The following NRG3 variants were observed in gnomAD, a reference collection of about 807,000 sequenced individuals.
NRG3 encodes the protein pro-neuregulin-3, membrane-bound isoform.
A neutral mutation model predicts 66.9 loss-of-function variants in NRG3; 31 were observed. The ratio of observed to expected loss-of-function variants is 0.46; its 90% CI spans 0.35 to 0.63. The LOEUF (loss-of-function observed/expected upper bound fraction) is 0.63. NRG3 is among the 20% of genes least tolerant of loss of function. The probability of loss-of-function intolerance (pLI) is 0.00; values close to 1 mark genes in which losing one functional copy is unlikely to be tolerated. For missense variants in NRG3, 910 were observed against 878.9 expected (o/e 1.04, Z -0.45); for synonymous variants, 393 against 359.4 (o/e 1.09, Z -1.06).
At chr10:82,573,179 A>G (rs1029872360) in intron 2 of NRG3, among the ~76,000 whole-genome samples, 38 of 151,892 alleles carry the variant, frequency 2.5e-4, no homozygotes, top group Non-Finnish European at 4.1e-4. Flanking sequence ...TGTGCTACCT[A>G]AATGTACTGC....
At chr10:82,335,248 G>T (rs1262282113) in intron 1 of NRG3, among the ~76,000 whole-genome samples, 2 of 152,160 alleles carry the variant, frequency 1.3e-5, no homozygotes, top group Non-Finnish European at 2.9e-5. Context: ...CTGTGACAAG[G>T]GAGCCTAGCC....
At chr10:82,821,503 G>GAAAAAAA (rs10550982) in intron 3 of NRG3, among the ~76,000 whole-genome samples, 1 of 134,614 alleles carries the variant, frequency 7.4e-6, no homozygotes, top group Non-Finnish European at 1.6e-5. Flanking sequence ...ACACTTAACT[G>GAAAAAAA]AAAAAAAAAA....
chr10:82,934,958 A>G (rs1346794209), intron 4 of NRG3, among the ~76,000 whole-genome samples: 1 of 152,100 alleles, frequency 6.6e-6, no homozygotes, highest in East Asian at 1.9e-4. Flanking sequence ...TCCATCCTAG[A>G]GGCCTATTTA....
At chr10:82,849,472 AGT>A (rs1491375983) in intron 3 of NRG3, among the ~76,000 whole-genome samples, 2 of 152,180 alleles carry the variant, frequency 1.3e-5, no homozygotes, top group African/African-American at 4.8e-5. Flanking sequence ...TTTACATTCT[AGT>A]GTGGAGCAGA....
chr10:82,069,464 T>G (rs1345514654), intron 1 of NRG3, among the ~76,000 whole-genome samples: 2 of 152,156 alleles, frequency 1.3e-5, no homozygotes, highest in African/African-American at 4.8e-5. Context: ...AACAGCCATG[T>G]GAGGTATAGA....
At chr10:82,737,607 G>A (rs2058217678) in intron 2 of NRG3, among the ~76,000 whole-genome samples, 2 of 152,032 alleles carry the variant, frequency 1.3e-5, no homozygotes, top group African/African-American at 4.8e-5. Context: ...AGCAACAATG[G>A]ATGCTTCCCT....
At position 82,902,777 on chromosome 10, in the gene NRG3, G is replaced by A. The variant is rs549588022; in HGVS notation, c.1054+37340G>A. Reference sequence around the variant, plus strand: ...GAACAACATGGGTTTGAACTGTCTCGGTCCATTTACATGCAGTTTTTTACA... The same window carrying A: ...GAACAACATGGGTTTGAACTGTCTCAGTCCATTTACATGCAGTTTTTTACA... On this transcript the variant is annotated intron_variant, in intron 4 of 8. Transcript: ENST00000372141. Among the ~76,000 whole-genome samples the A allele has an allele frequency of 7.2e-5, 11 of 151,748 alleles. No homozygotes were observed. In the South Asian group the frequency reaches 1.5e-3, roughly 20 times the overall value.
intron 1 of NRG3, among the ~76,000 whole-genome samples, chr10:82,277,959 A>G (rs1008612320): frequency 1.3e-5 from 2 of 152,068 alleles, no homozygotes; most frequent in Non-Finnish European, 2.9e-5. Context: ...ATGTTATGAA[A>G]TGTGATTTCT....
intron 4 of NRG3, among the ~76,000 whole-genome samples, chr10:82,939,026 C>A (rs902630846): frequency 6.6e-6 from 1 of 152,176 alleles, no homozygotes; most frequent in African/African-American, 2.4e-5. Context: ...GTAGATATAA[C>A]TTGATGCAGG....
At chr10:82,012,307 C>G (rs1390618805) in intron 1 of NRG3, among the ~76,000 whole-genome samples, 3 of 152,058 alleles carry the variant, frequency 2.0e-5, no homozygotes, top group African/African-American at 7.2e-5. Context: ...ACACCAAGTC[C>G]CTAGGCTACA....
At chr10:82,243,774 A>G (rs2077110081) in intron 1 of NRG3, among the ~76,000 whole-genome samples, 1 of 152,184 alleles carries the variant, frequency 6.6e-6, no homozygotes, top group South Asian at 2.1e-4. Context: ...ACCTGGAGGA[A>G]ACTGCTAACT....
intron 1 of NRG3, among the ~76,000 whole-genome samples, chr10:82,088,481 A>G (rs2065850150): frequency 6.6e-6 from 1 of 152,156 alleles, no homozygotes; most frequent in Non-Finnish European, 1.5e-5. Context: ...ATTTGTAGAG[A>G]TACATTTGTC....
At chr10:82,189,604 G>A (rs2074013262) in intron 1 of NRG3, among the ~76,000 whole-genome samples, 1 of 151,974 alleles carries the variant, frequency 6.6e-6, no homozygotes, top group Non-Finnish European at 1.5e-5. Flanking sequence ...AGTCTGGCCA[G>A]CGTGGTAAAG....
chr10:82,582,619 G>A (rs1473790111), intron 2 of NRG3, among the ~76,000 whole-genome samples: 1 of 151,336 alleles, frequency 6.6e-6, no homozygotes, highest in Non-Finnish European at 1.5e-5. Context: ...ATCTGGACAA[G>A]GACCAAAAAA....
intron 2 of NRG3, among the ~76,000 whole-genome samples, chr10:82,501,861 G>T (rs116152734): frequency 6.6e-6 from 1 of 151,910 alleles, no homozygotes; most frequent in African/African-American, 2.4e-5. Context: ...ATTTATTTGC[G>T]CATTGTCTCT....
chr10:82,082,541 G>A (rs2065454233), intron 1 of NRG3, among the ~76,000 whole-genome samples: 1 of 152,134 alleles, frequency 6.6e-6, no homozygotes, highest in South Asian at 2.1e-4. Flanking sequence ...CAGAAAGGTA[G>A]AATATGACTC....
At chr10:82,207,961 C>A (rs1322520167) in intron 1 of NRG3, among the ~76,000 whole-genome samples, 2 of 152,102 alleles carry the variant, frequency 1.3e-5, no homozygotes, top group Non-Finnish European at 2.9e-5. Context: ...AAAGAACTTA[C>A]CACTTTTAAG....
chr10:82,763,040 A>C (rs1399861618), intron 3 of NRG3, among the ~76,000 whole-genome samples: 1 of 152,192 alleles, frequency 6.6e-6, no homozygotes, highest in South Asian at 2.1e-4. Context: ...ACATTTATAC[A>C]CTAACAAACA....
chr10:82,984,685 G>C, intron 8 of NRG3: 1 of 1,252,330 alleles, frequency 8.0e-7, no homozygotes, highest in Non-Finnish European at 1.1e-6. Flanking sequence ...GAGGGTGGTC[G>C]AGTTGATGGA....
Sources: allele counts gnomAD v4.1 joint callset (sites outside exome capture counted in the v4.1 genomes callset), GRCh38; gene constraint gnomAD v4.1.1; transcripts MANE v1.5; gene names NCBI Gene and HGNC (gene_info 2026-07-23, HGNC 2026-07-21).